The following PHF20L1 variants were observed in gnomAD, a reference collection of about 807,000 sequenced individuals.
PHF20L1 encodes the protein PHD finger protein 20 like 1.
A neutral mutation model predicts 125.5 loss-of-function variants in PHF20L1; 44 were observed. That is an observed-to-expected ratio of 0.35 (90% confidence interval 0.28 to 0.45). The LOEUF is 0.45. Among genes scored for constraint, PHF20L1 ranks in the 20% least tolerant of loss-of-function variants. The pLI is 1.00. For synonymous variants in PHF20L1, 380 were observed against 403.1 expected (o/e 0.94, Z 0.69); for missense variants, 1,012 against 1,217.2 (o/e 0.83, Z 2.51).
At chr8:132,839,105 C>A (rs1563852918) in intron 17 of PHF20L1, 1 of 329,996 alleles carries the variant, frequency 3.0e-6, no homozygotes, top group East Asian at 5.4e-5. Context: ...CAGATGATGA[C>A]TACAAAACAT....
intron 2 of PHF20L1, among the ~76,000 whole-genome samples, chr8:132,778,881 C>T (rs1221993581): frequency 2.0e-5 from 3 of 152,178 alleles, no homozygotes; most frequent in Non-Finnish European, 4.4e-5. Flanking sequence ...TTTAGCAGCT[C>T]TTGGACTTTC....
At chr8:132,815,174 C>T (rs1834817601) in intron 10 of PHF20L1, 1 of 222,582 alleles carries the variant, frequency 4.5e-6, no homozygotes, top group South Asian at 1.7e-4. Context: ...AGGCCTGATT[C>T]ATTACAAAAA....
At chr8:132,843,664 G>T in intron 19 of PHF20L1, 2 of 983,046 alleles carry the variant, frequency 2.0e-6, no homozygotes, top group South Asian at 4.7e-5. Context: ...TTTGAAACTT[G>T]TAAAAGGTTT....
intron 20 of PHF20L1, 104 bp from the exon 21 acceptor site, chr8:132,845,677 A>G: frequency 1.3e-6 from 1 of 768,850 alleles, no homozygotes; most frequent in Non-Finnish European, 2.2e-6. Flanking sequence ...AAGATGGGGA[A>G]GTGAACCCTT....
At chr8:132,811,543 A>G (rs555366039) in intron 9 of PHF20L1, 47 of 983,718 alleles carry the variant, frequency 4.8e-5, no homozygotes, top group East Asian at 2.2e-4. Context: ...TAGACTGACT[A>G]TGTGTTTTAT....
chr8:132,846,165 A>G lies in PHF20L1; in HGVS notation c.*242A>G, dbSNP rs533565037. The G allele has an allele frequency of 4.0e-5, 16 of 396,540 alleles. No individual in the cohort carries two copies. The highest frequency in any genetic ancestry group is 2.8e-4 in the African/African-American group (14 of 50,228). The allele number at this position is 396,540 out of a possible 1,614,324, so 24.6% of individuals were successfully genotyped here. A position where few individuals can be genotyped will look rare whatever the true frequency, so the allele number is the denominator to read the frequency against. ...AGAATGTGTTATATGCCAAGGAACA[A>G]TGAAGTAGAATATAATGTATACTAA... On this transcript the variant is annotated 3_prime_UTR_variant, in exon 21 of 21. Coordinates refer to ENST00000395386, the MANE Select transcript of PHF20L1 (RefSeq NM_016018.5).
intron 6 of PHF20L1, among the ~76,000 whole-genome samples, chr8:132,802,263 C>T (rs568718575): frequency 1.3e-5 from 2 of 151,376 alleles, no homozygotes; most frequent in African/African-American, 4.8e-5. Context: ...TTTCATCGCT[C>T]TTTCACTTTT....
At chr8:132,785,111 C>T (rs1830865133) in intron 2 of PHF20L1, among the ~76,000 whole-genome samples, 1 of 152,104 alleles carries the variant, frequency 6.6e-6, no homozygotes, top group African/African-American at 2.4e-5. Flanking sequence ...AGGGTTGGAA[C>T]AAGAGAAAAG....
intron 2 of PHF20L1, among the ~76,000 whole-genome samples, chr8:132,788,611 T>A (rs1275435535): frequency 6.7e-5 from 10 of 149,614 alleles, no homozygotes; most frequent in Admixed American, 2.7e-4. Context: ...TTTTTTTTTT[T>A]ATCAATACAG....
At chr8:132,817,178 T>A (rs1835079722) in intron 11 of PHF20L1, 102 bp downstream of exon 11, 2 of 903,668 alleles carry the variant, frequency 2.2e-6, no homozygotes, top group Admixed American at 3.0e-5. Context: ...TGCTCTTATA[T>A]CTTCTGGAGT....
Position 132,847,942 on chromosome 8 carries a change from C to G in PHF20L1, c.*2019C>G, listed in dbSNP as rs1838531673. On this transcript the variant is annotated 3_prime_UTR_variant, in exon 21 of 21. Coordinates refer to ENST00000395386, the MANE Select transcript of PHF20L1 (RefSeq NM_016018.5). ...TCCTTTGCATTTTAAAATAGTGGCT[C>G]TAATATTTTCCCTGTCATGGCTACA... 1 of 152,024 alleles carries G rather than the reference C, an allele frequency of 6.6e-6. No individual in the cohort carries two copies. The highest frequency in any genetic ancestry group is 1.5e-5 in the Non-Finnish European group (1 of 67,958). 9.4% of individuals were successfully genotyped at this position (152,024 alleles called of 1,614,324 possible).
intron 12 of PHF20L1, among the ~76,000 whole-genome samples, chr8:132,823,626 G>C (rs1286146724): frequency 6.6e-6 from 1 of 151,900 alleles, no homozygotes; most frequent in Non-Finnish European, 1.5e-5. Flanking sequence ...CTTTGGACTA[G>C]ACATCTTCCA....
chr8:132,790,934 A>G (rs1831619420), intron 2 of PHF20L1, among the ~76,000 whole-genome samples: 1 of 152,316 alleles, frequency 6.6e-6, no homozygotes. Flanking sequence ...ACTATGTATG[A>G]AATAATCACT....
intron 12 of PHF20L1, among the ~76,000 whole-genome samples, chr8:132,819,151 A>G (rs1835306967): frequency 6.6e-6 from 1 of 151,934 alleles, no homozygotes; most frequent in South Asian, 2.1e-4. Context: ...AGGCACACGA[A>G]TATTCTTTCC....
chr8:132,838,628 A>G (rs577030378), intron 17 of PHF20L1: 14 of 152,354 alleles, frequency 9.2e-5, no homozygotes, highest in South Asian at 4.1e-4. Context: ...TTGGAAAAAA[A>G]GAAAAAAGTC....
In PHF20L1 at chr8:132,847,566, T is replaced by C. The variant is rs892096432; in HGVS notation, c.*1643T>C. On this transcript the variant is annotated 3_prime_UTR_variant, in exon 21 of 21. Coordinates refer to ENST00000395386, the MANE Select transcript of PHF20L1 (RefSeq NM_016018.5). ...AGGGTACTGTATGTAAAACTCTGTATTAAAACTATTCCACATATCCTAAAA... is the reference window on the plus strand; with the variant it reads ...AGGGTACTGTATGTAAAACTCTGTACTAAAACTATTCCACATATCCTAAAA... 1.3e-5 allele frequency: 2 copies of C among 152,624 alleles called. No individual in the cohort carries two copies. Among genetic ancestry groups the C allele is most frequent in the African/African-American group, 4.8e-5 (2 of 41,456 alleles). 9.5% of individuals were successfully genotyped at this position (152,624 alleles called of 1,614,324 possible).
At chr8:132,802,825 GAATT>G (rs1169989241) in intron 6 of PHF20L1, among the ~76,000 whole-genome samples, 1 of 151,722 alleles carries the variant, frequency 6.6e-6, no homozygotes, top group African/African-American at 2.4e-5. Context: ...TGTAAACCGT[GAATT>G]AAATTCATTT....
Position 132,848,504 on chromosome 8 carries a change from A to G in PHF20L1, c.*2581A>G, listed in dbSNP as rs996840538. 2 of 152,518 alleles carry G rather than the reference A, an allele frequency of 1.3e-5. No homozygotes were observed. Among genetic ancestry groups the G allele is most frequent in the Admixed American group, 1.3e-4 (2 of 15,260 alleles). 9.4% of individuals were successfully genotyped at this position (152,518 alleles called of 1,614,324 possible). A position where few individuals can be genotyped will look rare whatever the true frequency, so the allele number is the denominator to read the frequency against. On this transcript the variant is annotated 3_prime_UTR_variant, in exon 21 of 21. Transcript: ENST00000395386. ...ATAAACTAGAGAGAGTGTTTCTTGA[A>G]AAGACAATGTTTTATTTGCCACCAG... is the stretch of plus-strand genomic sequence containing the variant.
At chr8:132,775,728 T>G in intron 1 of PHF20L1, 83 bp downstream of exon 1, 1 of 285,390 alleles carries the variant, frequency 3.5e-6, no homozygotes. Context: ...GTGTCTCTCT[T>G]TCCGGCCCGC....
Sources: allele counts gnomAD v4.1 joint callset (sites outside exome capture counted in the v4.1 genomes callset), GRCh38; gene constraint gnomAD v4.1.1; transcripts MANE v1.5; gene names NCBI Gene and HGNC (gene_info 2026-07-23, HGNC 2026-07-21).